The following FUT8 variants were observed in gnomAD, a reference collection of about 807,000 sequenced individuals.
FUT8 encodes alpha-(1,6)-fucosyltransferase.
In FUT8, 29 loss-of-function variants were observed where a neutral mutation model predicts 71.3. That is an observed-to-expected ratio of 0.41 (90% CI 0.30 to 0.55). The LOEUF is 0.55. Among genes scored for constraint, FUT8 ranks in the 20% least tolerant of loss-of-function variants. The pLI is 0.34. For missense variants in FUT8, 544 were observed against 702.1 expected, an observed-to-expected ratio of 0.77 and a Z score of 2.55; for synonymous variants, 254 against 239.3, an observed-to-expected ratio of 1.06 and a Z score of -0.57.
intron 2 of FUT8, among the ~76,000 whole-genome samples, chr14:65,502,009 C>T (rs778827796): frequency 2.4e-4 from 37 of 151,714 alleles, no homozygotes; most frequent in Non-Finnish European, 4.3e-4. Context: ...CTCCCAAACT[C>T]AAGCAGTCCT....
At chr14:65,733,859 T>G (rs1206798784) in intron 10 of FUT8, among the ~76,000 whole-genome samples, 1 of 152,208 alleles carries the variant, frequency 6.6e-6, no homozygotes, top group African/African-American at 2.4e-5. Flanking sequence ...CTATTACATT[T>G]CTACCAAGTG....
chr14:65,623,707 G>C (rs1046683886), intron 5 of FUT8, among the ~76,000 whole-genome samples: 5 of 152,132 alleles, frequency 3.3e-5, no homozygotes, highest in African/African-American at 1.2e-4. Flanking sequence ...GACAGAGAGA[G>C]ACTCTGTCTC....
At chr14:65,585,974 A>G (rs1206490969) in intron 3 of FUT8, among the ~76,000 whole-genome samples, 1 of 152,230 alleles carries the variant, frequency 6.6e-6, no homozygotes, top group Non-Finnish European at 1.5e-5. Flanking sequence ...ATGGACAAGC[A>G]AGAGATTAAA....
intron 1 of FUT8, among the ~76,000 whole-genome samples, chr14:65,414,453 G>C (rs1418636459): frequency 1.3e-5 from 2 of 152,160 alleles, no homozygotes; most frequent in African/African-American, 4.8e-5. Context: ...TGGAGTTGTA[G>C]TCTCTGCTCT....
chr14:65,544,680 A>G (rs993241509), intron 2 of FUT8, among the ~76,000 whole-genome samples: 1 of 152,050 alleles, frequency 6.6e-6, no homozygotes, highest in Admixed American at 6.5e-5. Context: ...AACCTTATAA[A>G]TGTGATTATG....
the FUT8 span, among the ~76,000 whole-genome samples, chr14:65,373,391 AG>A: frequency 6.6e-6 from 1 of 151,492 alleles, no homozygotes; most frequent in South Asian, 2.1e-4. Context: ...AGAGCAGCAG[AG>A]TGGCACGGCA....
At chr14:65,475,615 G>A (rs753107055) in intron 2 of FUT8, among the ~76,000 whole-genome samples, 1 of 152,024 alleles carries the variant, frequency 6.6e-6, no homozygotes, top group Non-Finnish European at 1.5e-5. Context: ...GGTGGTGTGT[G>A]CATGTAGTCC....
Position 65,629,570 on chromosome 14 carries a change from G to C in FUT8, c.561G>C (p.Leu187=). The part of the protein sequence containing the change: ...GDWREKEAKD[L]TELVQRRITY... ...GGCGGGAAAAAGAGGCCAAAGATCT[G>C]ACAGAACTGGTTCAGCGGAGAATAA... Residue 187 remains leucine, a synonymous_variant, in exon 6 of 11, where the codon CTG becomes CTC. Transcript: ENST00000673929. 2.5e-6 allele frequency: 4 copies of C among 1,613,756 alleles called. No homozygotes were observed. Among genetic ancestry groups the C allele is most frequent in the Non-Finnish European group, 3.4e-6 (4 of 1,179,708 alleles).
the FUT8 span, among the ~76,000 whole-genome samples, chr14:65,401,825 A>G: frequency 6.6e-6 from 1 of 151,288 alleles, no homozygotes; most frequent in Non-Finnish European, 1.5e-5. Context: ...CTCGGGAGAC[A>G]GAGGTTGCAG....
At chr14:65,463,618 G>T (rs890318238) in intron 2 of FUT8, among the ~76,000 whole-genome samples, 12 of 152,260 alleles carry the variant, frequency 7.9e-5, no homozygotes, top group African/African-American at 2.6e-4. Flanking sequence ...TACTCAGAAA[G>T]TAACTTGAAC....
chr14:65,692,257 G>C (rs1893658850), intron 7 of FUT8, among the ~76,000 whole-genome samples: 3 of 150,024 alleles, frequency 2.0e-5, no homozygotes, highest in Admixed American at 1.3e-4. Flanking sequence ...CCTCCCAGAT[G>C]GGGCGGCTGG....
intron 2 of FUT8, among the ~76,000 whole-genome samples, chr14:65,470,876 C>A (rs112906259): frequency 1.3e-5 from 2 of 151,988 alleles, no homozygotes; most frequent in East Asian, 3.9e-4. Context: ...GCACAGAGGG[C>A]GGCGGGCTGT....
intron 1 of FUT8, among the ~76,000 whole-genome samples, chr14:65,418,801 A>G (rs1316097570): frequency 2.0e-5 from 3 of 152,232 alleles, no homozygotes; most frequent in South Asian, 2.1e-4. Flanking sequence ...CTTAGAGTTC[A>G]TAGAACATTT....
chr14:65,411,966 G>C (rs1459117574), upstream of FUT8: 1 of 453,978 alleles, frequency 2.2e-6, no homozygotes, highest in East Asian at 7.0e-5. Context: ...TGCATCGCGG[G>C]CGCCGGGAAT....
At chr14:65,373,789 A>G in the FUT8 span, among the ~76,000 whole-genome samples, 1 of 152,152 alleles carries the variant, frequency 6.6e-6, no homozygotes, top group African/African-American at 2.4e-5. Flanking sequence ...CCTAGCTGCT[A>G]ATGCGCCAAA....
At chr14:65,485,945 T>A (rs1403657319) in intron 2 of FUT8, among the ~76,000 whole-genome samples, 2 of 152,212 alleles carry the variant, frequency 1.3e-5, no homozygotes, top group Non-Finnish European at 2.9e-5. Flanking sequence ...ATGTCCAGTT[T>A]CTTGAAAAAT....
At chr14:65,568,471 A>G (rs1886313584) in intron 3 of FUT8, among the ~76,000 whole-genome samples, 1 of 151,020 alleles carries the variant, frequency 6.6e-6, no homozygotes, top group African/African-American at 2.4e-5. Flanking sequence ...AAGTTTTGAT[A>G]TTCTATTTTT....
intron 1 of FUT8, among the ~76,000 whole-genome samples, chr14:65,422,360 GT>G (rs1471303682): frequency 2.6e-5 from 4 of 152,170 alleles, no homozygotes; most frequent in Non-Finnish European, 5.9e-5. Flanking sequence ...AAACAGTAGA[GT>G]TAGCCCATCC....
chr14:65,561,609 T>G lies in FUT8; in HGVS notation c.46T>G (p.Phe16Val), dbSNP rs1343996668. Residue 16 changes from phenylalanine (F) to valine (V), a missense_variant, in exon 3 of 11, where the codon TTT (phenylalanine) becomes GTT (valine). Coordinates refer to ENST00000673929, the MANE Select transcript of FUT8 (RefSeq NM_001371533.1). The stretch of plus-strand genomic sequence containing the variant: ...CTGGCGTTGGATTATGCTCATTCTT[T>G]TTGCCTGGGGGACCTTGCTGTTTTA... Reference protein sequence around the residue: ...GSWRWIMLILFAWGTLLFYIG... With the variant: ...GSWRWIMLILVAWGTLLFYIG... 42 of 1,613,560 alleles carry G rather than the reference T, an allele frequency of 2.6e-5. No homozygotes were observed. The highest frequency in any genetic ancestry group is 3.4e-5 in the Non-Finnish European group (40 of 1,179,586).
Sources: allele counts gnomAD v4.1 joint callset (sites outside exome capture counted in the v4.1 genomes callset), GRCh38; gene constraint gnomAD v4.1.1; transcripts MANE v1.5; gene names NCBI Gene and HGNC (gene_info 2026-07-23, HGNC 2026-07-21).